ATP2A2: variants seen among roughly 807,000 people sequenced by gnomAD.
ATP2A2 encodes sarcoplasmic/endoplasmic reticulum calcium ATPase 2.
A neutral mutation model predicts 109.3 loss-of-function variants in ATP2A2; 14 were observed. That is an observed-to-expected ratio of 0.13 (90% CI 0.08 to 0.20). The LOEUF is 0.20. Ranked by LOEUF, ATP2A2 falls within the 10% of genes least tolerant of loss-of-function variation. The pLI is 1.00. For synonymous variants in ATP2A2, 506 were observed against 490.9 expected, an observed-to-expected ratio of 1.03 and a Z score of -0.41; for missense variants, 657 against 1,321.6, an observed-to-expected ratio of 0.50 and a Z score of 7.80.
chr12:110,346,343 C>T lies in ATP2A2; in HGVS notation c.3002C>T (p.Ala1001Val), dbSNP rs374676321. ...CCTGGTAAAGAGTGTGTGCAGCCTG[C>T]CACCAAATCCTGCTCGTTCTCGGCA... ...LEPGKECVQP[A>V]TKSCSFSACT... The change falls in exon 20 of 20, where the codon GCC (alanine) becomes GTC (valine). Residue 1001 changes from alanine to valine, a missense_variant. Ala to Val is a moderately conservative substitution (Grantham distance 64). Transcript: ENST00000539276. 4 of 1,613,986 alleles carry T rather than the reference C, an allele frequency of 2.5e-6. No homozygotes were observed. The African/African-American group carries it at 5.3e-5, about 22-fold the overall frequency.
intron 14 of ATP2A2, 136 bp downstream of exon 14, chr12:110,341,130 C>A (rs979222004): frequency 3.0e-6 from 3 of 990,186 alleles, no homozygotes; most frequent in Non-Finnish European, 4.6e-6. Flanking sequence ...CTCTAGAATT[C>A]GGTGAATCAG....
rs1428728639 is a variant in ATP2A2, at chr12:110,348,271, C to G, written c.*1801C>G. 14 of 985,302 alleles carry G rather than the reference C, an allele frequency of 1.4e-5. No homozygotes were observed. Among genetic ancestry groups the G allele is most frequent in the Non-Finnish European group, 1.7e-5 (14 of 829,970 alleles). 61.0% of individuals were successfully genotyped at this position (985,302 alleles called of 1,614,324 possible). ...AGGCCACTTCCCCACTCCCCCACCC[C>G]CCCTTGCTTGGTCTTGTCCTTGGTG... On this transcript the variant is annotated 3_prime_UTR_variant, in exon 20 of 20. Transcript: ENST00000539276.
Position 110,340,644 on chromosome 12 carries a change from A to G in ATP2A2, c.1762-15A>G. ...GAACTTGCCACTTTTATTTAAAGTG[A>G]TGCTCTTATTTTAGACCAATCTGAC... On this transcript the variant is annotated splice_polypyrimidine_tract_variant and intron_variant, in intron 13 of 19. Transcript: ENST00000539276. The surrounding 1 kb of genome is among the most constrained non-coding windows in gnomAD (Gnocchi z 6.0). The G allele has an allele frequency of 1.2e-6, 2 of 1,613,872 alleles. No individual in the cohort carries two copies. Among genetic ancestry groups the G allele is most frequent in the Non-Finnish European group, 8.5e-7 (1 of 1,179,854 alleles).
chr12:110,334,744 C>G (rs1305910251), intron 11 of ATP2A2, among the ~76,000 whole-genome samples: 1 of 152,058 alleles, frequency 6.6e-6, no homozygotes, highest in African/African-American at 2.4e-5. Context: ...CACGCCACCA[C>G]GCCTGGCTAA....
chr12:110,287,300 G>A (rs571973045), intron 3 of ATP2A2, among the ~76,000 whole-genome samples: 197 of 152,184 alleles, frequency 1.3e-3, no homozygotes, highest in African/African-American at 4.5e-3. Context: ...GAAGTATAAT[G>A]CAGTACAGAG....
intron 5 of ATP2A2, among the ~76,000 whole-genome samples, chr12:110,308,720 A>T (rs1875648196): frequency 6.6e-6 from 1 of 152,200 alleles, no homozygotes; most frequent in Admixed American, 6.5e-5. Flanking sequence ...TTTTGTGAAA[A>T]CTATAGAGTG....
rs1880265667 is a variant in ATP2A2 at position 110,350,146 on chromosome 12, A to C, written c.*3676A>C. On this transcript the variant is annotated 3_prime_UTR_variant, in exon 20 of 20. Coordinates refer to ENST00000539276, the MANE Select transcript of ATP2A2 (RefSeq NM_170665.4). ...GGCGGCACCTCAGGGACAGTAAATC[A>C]GAAATGCTGGTCTTGAAACCTTGAA... is the stretch of plus-strand genomic sequence containing the variant. The C allele has an allele frequency of 6.4e-7, 1 of 1,552,272 alleles. No homozygotes were observed. Among genetic ancestry groups the C allele is most frequent in the Non-Finnish European group, 8.7e-7 (1 of 1,149,638 alleles).
At chr12:110,293,629 A>G (rs527558458) in intron 4 of ATP2A2, among the ~76,000 whole-genome samples, 30 of 149,504 alleles carry the variant, frequency 2.0e-4, no homozygotes, top group African/African-American at 6.2e-4. Flanking sequence ...TCCTGACCTC[A>G]GATGATTCCC....
At position 110,340,716 on chromosome 12, in the gene ATP2A2, G is replaced by A; in HGVS notation, c.1819G>A (p.Ala607Thr). The change falls in exon 14 of 20, where the codon GCC (alanine) becomes ACC (threonine). Residue 607 changes from alanine (A) to threonine (T), a missense_variant. Transcript: ENST00000539276. This position sits in a 1 kb window ranked among gnomAD's most constrained non-coding sequence, Gnocchi z 6.0. ...GMLDPPRIEVASSVKLCRQAG... is the reference protein window; with the variant it reads ...GMLDPPRIEVTSSVKLCRQAG... ...GCTGGATCCTCCGAGAATCGAGGTG[G>A]CCTCCTCCGTGAAGCTGTGCCGGCA... is the stretch of plus-strand genomic sequence containing the variant. 1 of 1,614,100 alleles carries A rather than the reference G, an allele frequency of 6.2e-7. No homozygotes were observed. Among genetic ancestry groups the A allele is most frequent in the South Asian group, 1.1e-5 (1 of 91,072 alleles).
intron 1 of ATP2A2, among the ~76,000 whole-genome samples, chr12:110,282,367 T>G (rs1004478381): frequency 6.6e-6 from 1 of 152,208 alleles, no homozygotes; most frequent in African/African-American, 2.4e-5. Context: ...ATTTCACGCT[T>G]AGGGCTAGAC....
rs1876864301 is a variant in ATP2A2, at chr12:110,318,150, T to C, written c.464-4842T>C. Among the ~76,000 whole-genome samples, 4 of 152,210 alleles carry C rather than the reference T, an allele frequency of 2.6e-5. No individual in the cohort carries two copies. In the South Asian group the frequency reaches 8.3e-4, roughly 32 times the overall value. On this transcript the variant is annotated intron_variant, in intron 5 of 19. Transcript: ENST00000539276. ...CCTGCTCTTCATGCACAAAATCCTT[T>C]GTCTGAAATTCACAGAAGCCTCTCC... is the stretch of plus-strand genomic sequence containing the variant.
At position 110,348,211 on chromosome 12, in the gene ATP2A2, A is replaced by G; in HGVS notation, c.*1741A>G. ...ACTAGTGAAAGCAAGTAACTGAACCAGTGAACTCTGGGTATCGATAGGTTC... is the reference window on the plus strand; with the variant it reads ...ACTAGTGAAAGCAAGTAACTGAACCGGTGAACTCTGGGTATCGATAGGTTC... On this transcript the variant is annotated 3_prime_UTR_variant, in exon 20 of 20. Transcript: ENST00000539276. 1 of 985,482 alleles carries G rather than the reference A, an allele frequency of 1.0e-6. No homozygotes were observed. The highest frequency in any genetic ancestry group is 1.7e-5 in the African/African-American group (1 of 57,352). 61.0% of individuals were successfully genotyped at this position (985,482 alleles called of 1,614,324 possible).
chr12:110,288,366 T>C (rs1872885651), intron 3 of ATP2A2, among the ~76,000 whole-genome samples: 1 of 151,384 alleles, frequency 6.6e-6, no homozygotes, highest in South Asian at 2.1e-4. Context: ...ATTAGGATTA[T>C]AGGCATGAGC....
At chr12:110,283,880 A>G (rs536178527) in intron 3 of ATP2A2, among the ~76,000 whole-genome samples, 1 of 152,346 alleles carries the variant, frequency 6.6e-6, no homozygotes, top group African/African-American at 2.4e-5. Context: ...AACGAAATAA[A>G]CAAAGCAGTG....
chr12:110,337,615 C>T (rs3026475), intron 11 of ATP2A2, among the ~76,000 whole-genome samples: 2 of 152,220 alleles, frequency 1.3e-5, no homozygotes, highest in African/African-American at 4.8e-5. Context: ...TTCAGTCCTC[C>T]CGTAGCTTCC....
chr12:110,301,467 T>TC (rs370655308), intron 5 of ATP2A2, among the ~76,000 whole-genome samples: 2 of 151,970 alleles, frequency 1.3e-5, no homozygotes, highest in Non-Finnish European at 1.5e-5. Context: ...CTTGATTTTT[T>TC]CCCCCCTCTT....
At chr12:110,324,397 C>A (rs1004530563) in intron 6 of ATP2A2, among the ~76,000 whole-genome samples, 1 of 151,950 alleles carries the variant, frequency 6.6e-6, no homozygotes, top group Non-Finnish European at 1.5e-5. Flanking sequence ...CATAGTGTGC[C>A]CTAAAGACGT....
intron 3 of ATP2A2, among the ~76,000 whole-genome samples, chr12:110,289,752 G>A (rs997660707): frequency 2.0e-5 from 3 of 151,482 alleles, no homozygotes; most frequent in South Asian, 4.2e-4. Flanking sequence ...AAAAAAATTC[G>A]ACCTCCAAGA....
intron 5 of ATP2A2, among the ~76,000 whole-genome samples, chr12:110,297,977 T>C (rs1252491953): frequency 1.3e-5 from 2 of 152,134 alleles, no homozygotes; most frequent in Non-Finnish European, 2.9e-5. Flanking sequence ...GTTGTTTGTT[T>C]TGGCTATTTC....
Sources: gnomAD v4.1 joint callset for allele counts (sites outside exome capture counted in the v4.1 genomes callset) on GRCh38, gnomAD v4.1.1 for gene constraint, Gnocchi (gnomAD v3.1) non-coding constraint, MANE v1.5 for transcripts, NCBI Gene and HGNC (gene_info 2026-07-23, HGNC 2026-07-21) for gene names.